Variants in SCUBE1 observed in about 807,000 individuals in gnomAD.
SCUBE1 encodes signal peptide, CUB domain and EGF like domain containing 1, also known as signal peptide, CUB and EGF-like domain-containing protein 1.
In SCUBE1, 59 loss-of-function variants were observed where a neutral mutation model predicts 124.4. That is an observed-to-expected ratio of 0.47 (90% confidence interval 0.38 to 0.59). SCUBE1 has a LOEUF of 0.59. SCUBE1 is among the 20% of genes least tolerant of loss of function. SCUBE1 has a pLI of 0.00. For synonymous variants in SCUBE1, 545 were observed against 550.9 expected, an observed-to-expected ratio of 0.99 and a Z score of 0.15; for missense variants, 1,150 against 1,371.2, an observed-to-expected ratio of 0.84 and a Z score of 2.55.
chr22:43,223,926 G>T (rs2146670995), intron 10 of SCUBE1, among the ~76,000 whole-genome samples: 1 of 152,294 alleles, frequency 6.6e-6, no homozygotes, highest in South Asian at 2.1e-4. Context: ...AACCCACACA[G>T]GCCATGCTTC....
chr22:43,268,002 G>A (rs970866739), intron 4 of SCUBE1, among the ~76,000 whole-genome samples: 3 of 152,232 alleles, frequency 2.0e-5, no homozygotes, highest in African/African-American at 7.2e-5. Context: ...AGGACTCTGT[G>A]GGTCTGTGAC....
At chr22:43,261,261 G>A (rs1177572816) in intron 5 of SCUBE1, among the ~76,000 whole-genome samples, 3 of 152,248 alleles carry the variant, frequency 2.0e-5, no homozygotes, top group African/African-American at 7.2e-5. Flanking sequence ...GGGCCTGGAT[G>A]GAGCCCTGGG....
At chr22:43,326,667 T>C (rs1427321133) in intron 2 of SCUBE1, among the ~76,000 whole-genome samples, 1 of 152,160 alleles carries the variant, frequency 6.6e-6, no homozygotes, top group East Asian at 1.9e-4. Context: ...CATTCCTAAC[T>C]GCACACAATG....
intron 1 of SCUBE1, among the ~76,000 whole-genome samples, chr22:43,339,608 AC>A (rs1927203644): frequency 5.4e-5 from 7 of 130,814 alleles, no homozygotes; most frequent in Middle Eastern, 4.4e-3. Context: ...TACTCTCCTC[AC>A]TCTATCCCCT....
At chr22:43,284,433 G>A (rs576619799) in intron 4 of SCUBE1, among the ~76,000 whole-genome samples, 5 of 152,338 alleles carry the variant, frequency 3.3e-5, no homozygotes, top group African/African-American at 1.2e-4. Flanking sequence ...CAGCTATAAA[G>A]GCATCTCCGT....
chr22:43,239,760 T>C (rs1247229925), intron 6 of SCUBE1, among the ~76,000 whole-genome samples: 1 of 152,178 alleles, frequency 6.6e-6, no homozygotes, highest in Non-Finnish European at 1.5e-5. Flanking sequence ...GCTTTTATCT[T>C]GTGGAAGCTG....
chr22:43,302,413 G>GA (rs1925808300), intron 3 of SCUBE1, among the ~76,000 whole-genome samples: 1 of 152,168 alleles, frequency 6.6e-6, no homozygotes, highest in Admixed American at 6.5e-5. Context: ...ATCCCCTACC[G>GA]AACTACATTT....
chr22:43,254,485 C>T (rs1359192486), intron 6 of SCUBE1, among the ~76,000 whole-genome samples: 1 of 152,220 alleles, frequency 6.6e-6, no homozygotes, highest in Non-Finnish European at 1.5e-5. Flanking sequence ...AGGCTCTGAC[C>T]TTCACATGGC....
chr22:43,281,585 CTTCTCAGCCACCCTCCTGTCACCTCCT>C (rs1924906280), intron 4 of SCUBE1, among the ~76,000 whole-genome samples: 6 of 135,484 alleles, frequency 4.4e-5, no homozygotes, highest in African/African-American at 1.9e-4. Flanking sequence ...TGTCACCTCC[CTTCTCAGCCACCCTCCTGTCACCTCCT>C]CCTCAGCAAC....
At chr22:43,304,534 C>CAG (rs1230638346) in intron 3 of SCUBE1, among the ~76,000 whole-genome samples, 1 of 29,178 alleles carries the variant, frequency 3.4e-5, no homozygotes, top group Non-Finnish European at 7.6e-5. Context: ...CTCTCTAAGC[C>CAG]ACGAGGACCA....
chr22:43,198,959 G>A lies in SCUBE1; in HGVS notation c.*5038C>T. On this transcript the variant is annotated 3_prime_UTR_variant, in exon 22 of 22. Coordinates refer to ENST00000360835, the MANE Select transcript of SCUBE1 (RefSeq NM_173050.5). ...GTCTGTCTGTCTGCTGTCCGGGGCA[G>A]TTTTTCTGTCTGCTGTCCGGGGCAA... 2.7e-6 allele frequency: 1 copy of A among 364,322 alleles called. No homozygotes were observed. The highest frequency in any genetic ancestry group is 5.3e-6 in the Non-Finnish European group (1 of 187,154). 22.6% of individuals were successfully genotyped at this position (364,322 alleles called of 1,614,324 possible). A position where few individuals can be genotyped will look rare whatever the true frequency, so the allele number is the denominator to read the frequency against.
chr22:43,235,441 C>T (rs1922720980), intron 7 of SCUBE1, among the ~76,000 whole-genome samples: 1 of 151,918 alleles, frequency 6.6e-6, no homozygotes, highest in South Asian at 2.1e-4. Flanking sequence ...CAGGGAGGGC[C>T]AGCTGCTAGG....
At chr22:43,290,003 C>T (rs892683863) in intron 4 of SCUBE1, among the ~76,000 whole-genome samples, 18 of 152,198 alleles carry the variant, frequency 1.2e-4, no homozygotes, top group African/African-American at 3.9e-4. Flanking sequence ...GCAATGGGGG[C>T]GTGCCTGAAC....
chr22:43,248,482 T>C (rs373945004), intron 6 of SCUBE1, among the ~76,000 whole-genome samples: 1 of 152,192 alleles, frequency 6.6e-6, no homozygotes, highest in Non-Finnish European at 1.5e-5. Context: ...AAGCCCCAGC[T>C]GTGAGTGTGA....
intron 5 of SCUBE1, among the ~76,000 whole-genome samples, chr22:43,261,728 C>G (rs1923877857): frequency 6.6e-6 from 1 of 152,318 alleles, no homozygotes; most frequent in South Asian, 2.1e-4. Flanking sequence ...ACACTTCTCC[C>G]TAGCATTTTT....
At chr22:43,290,980 G>A in intron 4 of SCUBE1, 66 bp downstream of exon 4, 2 of 1,481,886 alleles carry the variant, frequency 1.3e-6, no homozygotes, top group Non-Finnish European at 1.8e-6. Flanking sequence ...GAGATGTGGA[G>A]AAGGGGACTC....
intron 7 of SCUBE1, 149 bp from the exon 8 acceptor site, chr22:43,232,024 T>A: frequency 1.2e-6 from 1 of 824,160 alleles, no homozygotes; most frequent in Non-Finnish European, 1.9e-6. Context: ...TCCCCAGCTG[T>A]GCAGAGGGGT....
chr22:43,319,273 G>A (rs1926456595), intron 3 of SCUBE1, among the ~76,000 whole-genome samples: 1 of 152,070 alleles, frequency 6.6e-6, no homozygotes, highest in Admixed American at 6.5e-5. Context: ...ATTAGGGCCA[G>A]GCGCAGTGGC....
At chr22:43,209,136 T>A (rs1434441215) in intron 19 of SCUBE1, among the ~76,000 whole-genome samples, 3 of 152,194 alleles carry the variant, frequency 2.0e-5, no homozygotes, top group South Asian at 4.1e-4. Flanking sequence ...ACTCATTAGC[T>A]ATGCTGAGCA....
Sources: gnomAD v4.1 joint callset for allele counts (sites outside exome capture counted in the v4.1 genomes callset) on GRCh38, gnomAD v4.1.1 for gene constraint, MANE v1.5 for transcripts, NCBI Gene and HGNC (gene_info 2026-07-23, HGNC 2026-07-21) for gene names.